GALNT13: variants seen among roughly 807,000 people sequenced by gnomAD.
GALNT13 encodes UDP-GalNAc:polypeptide N-acetylgalactosaminyltransferase 13.
In GALNT13, 28 loss-of-function variants were observed where a neutral mutation model predicts 64.2. The observed-to-expected ratio is 0.44, with a 90% CI of 0.32 to 0.60. The LOEUF (loss-of-function observed/expected upper bound fraction) is 0.60. Ranked by LOEUF, GALNT13 falls within the 20% of genes least tolerant of loss-of-function variation. The pLI is 0.05. For synonymous variants in GALNT13, 214 were observed against 224.6 expected (o/e 0.95, Z 0.42); for missense variants, 577 against 669.8 (o/e 0.86, Z 1.53).
At chr2:153,916,287 T>C (rs1027899474) in intron 2 of GALNT13, among the ~76,000 whole-genome samples, 57 of 151,734 alleles carry the variant, frequency 3.8e-4, no homozygotes, top group African/African-American at 1.3e-3. Context: ...CTCCTGAGTA[T>C]CCGGGATGAT....
intron 11 of GALNT13, among the ~76,000 whole-genome samples, chr2:154,421,486 A>G (rs891305091): frequency 1.1e-4 from 16 of 152,070 alleles, no homozygotes; most frequent in Non-Finnish European, 4.4e-5. Context: ...AATATCTTCT[A>G]TTATAGGTTT....
intron 12 of GALNT13, among the ~76,000 whole-genome samples, chr2:154,443,753 C>G (rs911941615): frequency 6.6e-6 from 1 of 151,948 alleles, no homozygotes; most frequent in South Asian, 2.1e-4. Flanking sequence ...TAGAGATACT[C>G]CACGCTACAT....
the GALNT13 span, among the ~76,000 whole-genome samples, chr2:153,772,980 A>G: frequency 2.0e-5 from 3 of 152,196 alleles, no homozygotes; most frequent in African/African-American, 7.2e-5. Context: ...GCAATTGAAG[A>G]GAGCTGCAGG....
the GALNT13 span, among the ~76,000 whole-genome samples, chr2:153,578,752 G>A: frequency 6.6e-6 from 1 of 152,126 alleles, no homozygotes; most frequent in Non-Finnish European, 1.5e-5. Flanking sequence ...AATGTTCTGT[G>A]GTCTGTAGCA....
At chr2:153,841,315 T>C in the GALNT13 span, among the ~76,000 whole-genome samples, 1 of 152,304 alleles carries the variant, frequency 6.6e-6, no homozygotes, top group African/African-American at 2.4e-5. Flanking sequence ...TCTATTCCTT[T>C]ATAATTTTAT....
chr2:153,647,729 T>C, the GALNT13 span, among the ~76,000 whole-genome samples: 2 of 152,210 alleles, frequency 1.3e-5, no homozygotes, highest in Non-Finnish European at 2.9e-5. Flanking sequence ...GGGAATCCTT[T>C]CCCCATTTCT....
chr2:153,533,723 C>CTTTTTTTTTGTTTTTTTTTTTTTT, the GALNT13 span, among the ~76,000 whole-genome samples: 1 of 48,732 alleles, frequency 2.1e-5, no homozygotes, highest in Non-Finnish European at 3.6e-5. Context: ...TGAGGTTTTT[C>CTTTTTTTTTGTTTTTTTTTTTTTT]TTTTTTTTTT....
At chr2:154,292,651 A>G (rs1692710580) in intron 8 of GALNT13, among the ~76,000 whole-genome samples, 2 of 152,200 alleles carry the variant, frequency 1.3e-5, no homozygotes, top group Admixed American at 1.3e-4. Context: ...GCCTCTACTC[A>G]TAATCATTGT....
chr2:154,451,755 A>G lies in GALNT13; in HGVS notation c.*1204A>G, dbSNP rs193011995. The G allele has an allele frequency of 3.3e-5, 5 of 151,758 alleles. No individual in the cohort carries two copies. The East Asian group carries it at 9.7e-4, about 29-fold the overall frequency. 9.4% of individuals were successfully genotyped at this position (151,758 alleles called of 1,614,324 possible). On this transcript the variant is annotated 3_prime_UTR_variant, in exon 13 of 13. Coordinates refer to ENST00000392825, the MANE Select transcript of GALNT13 (RefSeq NM_052917.4). Reference sequence around the variant, plus strand: ...ACATTAGCAGAGGCCATGAAAGTGAAAAAAAATCAGATTTTTGCTAGTAAG... The same window carrying G: ...ACATTAGCAGAGGCCATGAAAGTGAGAAAAAATCAGATTTTTGCTAGTAAG...
chr2:153,141,744 C>T, the GALNT13 span, among the ~76,000 whole-genome samples: 5 of 151,992 alleles, frequency 3.3e-5, no homozygotes, highest in East Asian at 1.9e-4. Context: ...GGTCTCAGAG[C>T]TCCCCATACC....
chr2:154,393,920 TA>T, intron 9 of GALNT13, among the ~76,000 whole-genome samples: 1 of 148,856 alleles, frequency 6.7e-6, no homozygotes, highest in Non-Finnish European at 1.5e-5. Context: ...CTACTAAAAA[TA>T]CAAAAAATTA....
At chr2:154,285,869 A>G (rs1203089160) in intron 8 of GALNT13, among the ~76,000 whole-genome samples, 2 of 152,092 alleles carry the variant, frequency 1.3e-5, no homozygotes, top group Admixed American at 6.5e-5. Flanking sequence ...TATGTCTTCA[A>G]TTTTTTAGTC....
In GALNT13 at chr2:154,306,618, TG is replaced by T. The variant is rs70983716; in HGVS notation, c.1156+5039del. Among the ~76,000 whole-genome samples, 159 of 126,476 alleles carry T rather than the reference TG, an allele frequency of 1.3e-3. 1 individual carries two copies. The highest frequency in any genetic ancestry group is 4.3e-3 in the African/African-American group (151 of 34,978). The allele number at this position is 126,476 out of a possible 152,430, so 83.0% of individuals were successfully genotyped here. A position where few individuals can be genotyped will look rare whatever the true frequency, so the allele number is the denominator to read the frequency against. On this transcript the variant is annotated intron_variant, in intron 9 of 12. Transcript: ENST00000392825. Reference sequence around the variant, plus strand: ...ATCAAGGTTTTTAAGGATAATTTGGTGGGGGGGGGGTCAAGAAATGGGGAGT... The same window carrying T: ...ATCAAGGTTTTTAAGGATAATTTGGTGGGGGGGGGTCAAGAAATGGGGAGT...
chr2:153,664,187 C>T, the GALNT13 span, among the ~76,000 whole-genome samples: 1 of 152,128 alleles, frequency 6.6e-6, no homozygotes, highest in African/African-American at 2.4e-5. Context: ...TGCAGGAGAC[C>T]AGGGCATATT....
intron 3 of GALNT13, among the ~76,000 whole-genome samples, chr2:154,093,390 T>A (rs1324598439): frequency 6.6e-6 from 1 of 151,988 alleles, no homozygotes; most frequent in Non-Finnish European, 1.5e-5. Flanking sequence ...ATTTTAAATT[T>A]TAGCTAAGTA....
chr2:153,872,623 G>GT (rs1477491749), intron 1 of GALNT13, among the ~76,000 whole-genome samples: 1 of 98,136 alleles, frequency 1.0e-5, no homozygotes, highest in African/African-American at 3.6e-5. Context: ...TGGTGGCGGG[G>GT]GGGGGGGGGG....
chr2:153,927,609 T>G (rs1371863761), intron 2 of GALNT13, among the ~76,000 whole-genome samples: 1 of 152,042 alleles, frequency 6.6e-6, no homozygotes, highest in African/African-American at 2.4e-5. Context: ...GAATTTTAAG[T>G]CCATGAGGAC....
At chr2:153,675,537 C>T in the GALNT13 span, among the ~76,000 whole-genome samples, 1 of 152,058 alleles carries the variant, frequency 6.6e-6, no homozygotes, top group Non-Finnish European at 1.5e-5. Flanking sequence ...CACACCGGGG[C>T]CTGTTGGCAG....
At chr2:153,856,695 C>T in the GALNT13 span, among the ~76,000 whole-genome samples, 2 of 152,134 alleles carry the variant, frequency 1.3e-5, no homozygotes, top group African/African-American at 4.8e-5. Flanking sequence ...TATACAATTA[C>T]ATTTGAACAA....
Sources: allele counts gnomAD v4.1 joint callset (sites outside exome capture counted in the v4.1 genomes callset), GRCh38; gene constraint gnomAD v4.1.1; transcripts MANE v1.5; gene names NCBI Gene and HGNC (gene_info 2026-07-23, HGNC 2026-07-21).